Variants in MED12L observed in about 807,000 individuals in gnomAD.
The protein encoded by MED12L is mediator complex subunit 12L, also known as mediator of RNA polymerase II transcription subunit 12-like protein.
In MED12L, 60 loss-of-function variants were observed where a neutral mutation model predicts 281.3. The ratio of observed to expected loss-of-function variants is 0.21; its 90% CI spans 0.17 to 0.26. The LOEUF is 0.26. Among genes scored for constraint, MED12L ranks in the 10% least tolerant of loss-of-function variants. The pLI is 1.00. For synonymous variants in MED12L, 974 were observed against 987.2 expected (o/e 0.99, Z 0.25); for missense variants, 2,146 against 2,680.9 (o/e 0.80, Z 4.41).
intron 19 of MED12L, among the ~76,000 whole-genome samples, chr3:151,356,894 C>T (rs144768678): frequency 1.1e-3 from 174 of 151,980 alleles, no homozygotes; most frequent in African/African-American, 4.0e-3. Context: ...AGCCAAATAA[C>T]TTTCATTTTA....
chr3:151,417,134 C>T (rs1289559349), intron 43 of MED12L, among the ~76,000 whole-genome samples: 1 of 152,084 alleles, frequency 6.6e-6, no homozygotes, highest in Admixed American at 6.5e-5. Context: ...AAAGTAAATA[C>T]AAAAATAATT....
intron 16 of MED12L, chr3:151,300,046 G>A (rs536724966): frequency 6.5e-7 from 1 of 1,546,584 alleles, no homozygotes; most frequent in African/African-American, 1.4e-5. Flanking sequence ...GATTTTCTTT[G>A]TATCTCTTAC....
chr3:151,315,914 A>G (rs1748164365), intron 16 of MED12L, among the ~76,000 whole-genome samples: 1 of 152,242 alleles, frequency 6.6e-6, no homozygotes, highest in Non-Finnish European at 1.5e-5. Context: ...TCTATCTTTT[A>G]AAAGTCCTTA....
chr3:151,100,277 A>G (rs1721235312), intron 2 of MED12L, among the ~76,000 whole-genome samples: 1 of 152,152 alleles, frequency 6.6e-6, no homozygotes, highest in South Asian at 2.1e-4. Context: ...TCAGCCTTCA[A>G]CCCACATCCA....
chr3:151,133,841 AC>A (rs1172572530), intron 5 of MED12L, among the ~76,000 whole-genome samples: 1 of 152,188 alleles, frequency 6.6e-6, no homozygotes, highest in Non-Finnish European at 1.5e-5. Context: ...AAAAAGTAAA[AC>A]TCACATTGAG....
chr3:151,332,939 CTTT>C (rs1750518978), intron 16 of MED12L, among the ~76,000 whole-genome samples: 2 of 152,110 alleles, frequency 1.3e-5, no homozygotes, highest in South Asian at 4.1e-4. Context: ...TTGTTTCCTT[CTTT>C]GTGTCCATAT....
intron 11 of MED12L, among the ~76,000 whole-genome samples, chr3:151,177,801 T>C (rs1332674977): frequency 6.6e-6 from 1 of 152,154 alleles, no homozygotes. Context: ...CCAATAAATA[T>C]TTTTTAATTA....
At chr3:151,368,119 A>G in intron 24 of MED12L, 31 bp from the exon 25 acceptor site, 2 of 1,574,048 alleles carry the variant, frequency 1.3e-6, no homozygotes, top group Non-Finnish European at 1.7e-6. Context: ...AGTGTGTTAG[A>G]AAACTTGCTT....
At chr3:151,150,930 G>T (rs1718376485) in intron 5 of MED12L, among the ~76,000 whole-genome samples, 1 of 151,106 alleles carries the variant, frequency 6.6e-6, no homozygotes, top group African/African-American at 2.4e-5. Context: ...TAAAGGGCAT[G>T]TTGTGGCTGG....
rs1720111731 is a variant in MED12L at position 151,435,862 on chromosome 3, C to T, written c.*3058C>T. 1 of 151,854 alleles carries T rather than the reference C, an allele frequency of 6.6e-6. No homozygotes were observed. Among genetic ancestry groups the T allele is most frequent in the South Asian group, 2.1e-4 (1 of 4,812 alleles). 9.4% of individuals were successfully genotyped at this position (151,854 alleles called of 1,614,324 possible). ...GACCTAGACCCTCCCAAGCATTTTC[C>T]CATCCCATAAAGAATTAATGAAATG... On this transcript the variant is annotated 3_prime_UTR_variant, in exon 45 of 45. Coordinates refer to ENST00000687756, the MANE Select transcript of MED12L (RefSeq NM_001393769.1).
At chr3:151,116,020 C>T (rs776933228) in intron 2 of MED12L, among the ~76,000 whole-genome samples, 13 of 137,124 alleles carry the variant, frequency 9.5e-5, no homozygotes, top group South Asian at 4.7e-4. Context: ...GCCGAGATTG[C>T]GCCGCTGCAC....
intron 3 of MED12L, among the ~76,000 whole-genome samples, chr3:151,122,126 A>G (rs566720484): frequency 2.6e-5 from 4 of 152,320 alleles, no homozygotes; most frequent in Admixed American, 6.5e-5. Context: ...AAAATGATAC[A>G]GTAATTCATA....
intron 39 of MED12L, among the ~76,000 whole-genome samples, chr3:151,399,973 T>C (rs1715463546): frequency 6.6e-6 from 1 of 152,090 alleles, no homozygotes; most frequent in Non-Finnish European, 1.5e-5. Flanking sequence ...ACTACAGGCA[T>C]GCACCACCCC....
At chr3:151,260,791 CTG>C (rs747408821) in intron 16 of MED12L, among the ~76,000 whole-genome samples, 6 of 152,144 alleles carry the variant, frequency 3.9e-5, no homozygotes, top group African/African-American at 7.2e-5. Flanking sequence ...TTGTAAATAA[CTG>C]TAATCTTTTT....
At chr3:151,100,122 A>C (rs1213421374) in intron 2 of MED12L, among the ~76,000 whole-genome samples, 2 of 152,200 alleles carry the variant, frequency 1.3e-5, no homozygotes, top group East Asian at 3.8e-4. Context: ...AAGGGAAGTG[A>C]TAGCTTTGAC....
intron 16 of MED12L, among the ~76,000 whole-genome samples, chr3:151,250,721 A>G (rs975580871): frequency 1.3e-5 from 2 of 152,174 alleles, no homozygotes; most frequent in South Asian, 2.1e-4. Context: ...CAATGCTGCT[A>G]TGAAAGTGGG....
chr3:151,172,903 A>T (rs1415916483), intron 11 of MED12L, among the ~76,000 whole-genome samples: 7 of 152,128 alleles, frequency 4.6e-5, no homozygotes, highest in African/African-American at 1.2e-4. Flanking sequence ...TACAACTAGT[A>T]TTTTCTTATT....
In MED12L at chr3:151,414,202, T is replaced by C. The variant is rs139987907; in HGVS notation, c.6297+907T>C. 2.6e-5 allele frequency among the ~76,000 whole-genome samples: 4 copies of C among 152,330 alleles called. No individual in the cohort carries two copies. In the East Asian group the frequency reaches 7.7e-4, roughly 29 times the overall value. On this transcript the variant is annotated intron_variant, in intron 42 of 44. Transcript: ENST00000687756. Reference sequence around the variant, plus strand: ...TTGCTTATTTAAAAAATATAGGCCATTATGTTTACCTGTGTCATTTGTCTT... The same window carrying C: ...TTGCTTATTTAAAAAATATAGGCCACTATGTTTACCTGTGTCATTTGTCTT...
At position 151,338,345 on chromosome 3, in the gene MED12L, C is replaced by T. The variant is rs368508157; in HGVS notation, c.2251-11714C>T. ...AGCATTTCTTCACATTCTTGTCTCT[C>T]GGCTGCCTGTTGGTCAGAATCATGT... On this transcript the variant is annotated intron_variant, in intron 16 of 44. Coordinates refer to ENST00000687756, the MANE Select transcript of MED12L (RefSeq NM_001393769.1). 2.1e-5 allele frequency: 34 copies of T among 1,613,998 alleles called. No individual in the cohort carries two copies. In the African/African-American group the frequency reaches 2.9e-4, roughly 14 times the overall value.
Sources: allele counts gnomAD v4.1 joint callset (sites outside exome capture counted in the v4.1 genomes callset), GRCh38; gene constraint gnomAD v4.1.1; transcripts MANE v1.5; gene names NCBI Gene and HGNC (gene_info 2026-07-23, HGNC 2026-07-21).